NSMAF: variants seen among roughly 807,000 people sequenced by gnomAD.
NSMAF encodes neutral sphingomyelinase activation associated factor.
Under a neutral mutation model 134.9 loss-of-function variants are expected in NSMAF, and 90 were observed. The observed-to-expected ratio is 0.67, with a 90% CI of 0.56 to 0.79. The LOEUF is 0.79. Among genes scored for constraint, NSMAF ranks in the 30% least tolerant of loss-of-function variants. The probability of loss-of-function intolerance (pLI) is 0.00; values close to 1 mark genes in which losing one functional copy is unlikely to be tolerated. For missense variants in NSMAF, 1,010 were observed against 1,119.0 expected, an observed-to-expected ratio of 0.90 and a Z score of 1.39; for synonymous variants, 358 against 389.6, an observed-to-expected ratio of 0.92 and a Z score of 0.96.
At position 58,602,140 on chromosome 8, in the gene NSMAF, A is replaced by G; in HGVS notation, c.1046-3T>C. On this transcript the variant is annotated splice_region_variant and splice_polypyrimidine_tract_variant and intron_variant, in intron 13 of 30. Coordinates refer to ENST00000038176, the MANE Select transcript of NSMAF (RefSeq NM_003580.4). ...GAAGGTTCCTGGATTTGACAAATCT[A>G]TAAACATAAATCAATAAATAACTTC... 1 of 1,608,754 alleles carries G rather than the reference A, an allele frequency of 6.2e-7. No individual in the cohort carries two copies. Among genetic ancestry groups the G allele is most frequent in the Non-Finnish European group, 8.5e-7 (1 of 1,175,376 alleles).
chr8:58,621,359 G>A (rs1806784781), intron 9 of NSMAF, among the ~76,000 whole-genome samples: 1 of 152,260 alleles, frequency 6.6e-6, no homozygotes, highest in Middle Eastern at 3.4e-3. Flanking sequence ...CCACTGATGG[G>A]TATTTAGGTT....
chr8:58,622,347 C>T (rs1477358849), intron 9 of NSMAF, among the ~76,000 whole-genome samples: 2 of 152,094 alleles, frequency 1.3e-5, no homozygotes, highest in Non-Finnish European at 2.9e-5. Flanking sequence ...GATCCTCCCA[C>T]CTTGCCTCTC....
intron 23 of NSMAF, among the ~76,000 whole-genome samples, chr8:58,591,940 TTAA>T (rs144205198): frequency 6.6e-6 from 1 of 152,322 alleles, no homozygotes; most frequent in East Asian, 1.9e-4. Flanking sequence ...ACAGTATAAC[TTAA>T]TAATTCAACC....
chr8:58,590,913 G>C lies in NSMAF; in HGVS notation c.1973C>G (p.Ser658Cys). The C allele has an allele frequency of 6.4e-7, 1 of 1,569,994 alleles. No individual in the cohort carries two copies. Among genetic ancestry groups the C allele is most frequent in the South Asian group, 1.1e-5 (1 of 90,052 alleles). ...TSQDSTLKMF[S>C]KESKMLQRSI... is the part of the protein sequence containing the mutation. ...TCTTTGTAGCATTTTTGATTCTTTA[G>C]AAAACATCTTCAAGGTGGAATCTAA... is the stretch of plus-strand genomic sequence containing the variant. Residue 658 changes from serine to cysteine, a missense_variant, in exon 24 of 31, where the codon TCT (serine) becomes TGT (cysteine). By Grantham distance (112) the Ser-to-Cys change is moderately radical. Transcript: ENST00000038176.
In NSMAF at chr8:58,584,071, G is replaced by C; in HGVS notation, c.*35C>G. On this transcript the variant is annotated 3_prime_UTR_variant, in exon 31 of 31. Transcript: ENST00000038176. ...GTTTGGTTTAAAAATGCATTAAATA[G>C]AGTTCAATTTAATATTCAGGAGAGG... 1 of 1,469,870 alleles carries C rather than the reference G, an allele frequency of 6.8e-7. No homozygotes were observed. The highest frequency in any genetic ancestry group is 9.5e-7 in the Non-Finnish European group (1 of 1,048,894). The allele number at this position is 1,469,870 out of a possible 1,614,324, so 91.1% of individuals were successfully genotyped here.
At chr8:58,656,895 AC>A (rs1807727175) in intron 1 of NSMAF, among the ~76,000 whole-genome samples, 1 of 152,248 alleles carries the variant, frequency 6.6e-6, no homozygotes, top group African/African-American at 2.4e-5. Context: ...TATTGCATTT[AC>A]TTATACTAAA....
intron 1 of NSMAF, chr8:58,659,198 C>A: frequency 1.4e-6 from 2 of 1,450,364 alleles, no homozygotes; most frequent in Non-Finnish European, 1.8e-6. Context: ...TACTCACCCT[C>A]CCCTGCGAAC....
intron 28 of NSMAF, 64 bp downstream of exon 28, chr8:58,586,394 A>G: frequency 2.8e-6 from 4 of 1,411,754 alleles, no homozygotes; most frequent in Non-Finnish European, 3.9e-6. Context: ...AAAATTAACA[A>G]TATTGTTTAT....
At chr8:58,633,084 C>T (rs1340172969) in intron 5 of NSMAF, among the ~76,000 whole-genome samples, 1 of 152,216 alleles carries the variant, frequency 6.6e-6, no homozygotes, top group African/African-American at 2.4e-5. Context: ...ACCCAGCCCC[C>T]AGAGAGACTT....
chr8:58,586,444 A>G lies in NSMAF; in HGVS notation c.2446+14T>C, dbSNP rs766626270. 5.0e-6 allele frequency: 8 copies of G among 1,608,012 alleles called. No homozygotes were observed. Among genetic ancestry groups the G allele is most frequent in the Non-Finnish European group, 6.8e-6 (8 of 1,175,430 alleles). On this transcript the variant is annotated intron_variant, in intron 28 of 30. Coordinates refer to ENST00000038176, the MANE Select transcript of NSMAF (RefSeq NM_003580.4). The stretch of plus-strand genomic sequence containing the variant: ...TTACCTAGTATTATCTGTTTTAAAA[A>G]GGATAATATCTACCTGGGCTAAAAG...
At chr8:58,654,386 A>G (rs558844980) in intron 1 of NSMAF, among the ~76,000 whole-genome samples, 1 of 152,324 alleles carries the variant, frequency 6.6e-6, no homozygotes, top group East Asian at 1.9e-4. Context: ...CCCCATCTCT[A>G]CTAAAAACAC....
intron 9 of NSMAF, among the ~76,000 whole-genome samples, chr8:58,615,140 A>C (rs1423939161): frequency 6.6e-6 from 1 of 152,190 alleles, no homozygotes; most frequent in Non-Finnish European, 1.5e-5. Context: ...ATTAATTAAG[A>C]AGACATTACG....
intron 6 of NSMAF, 123 bp from the exon 7 acceptor site, chr8:58,623,903 T>TC: frequency 1.4e-6 from 1 of 698,926 alleles, no homozygotes; most frequent in Non-Finnish European, 2.5e-6. Flanking sequence ...TAGTGTAACT[T>TC]CCCCACTGGA....
chr8:58,584,109 A>G lies in NSMAF; in HGVS notation c.2751T>C (p.Tyr917=). The change falls in exon 31 of 31, where the codon TAT becomes TAC. Residue 917 remains tyrosine (Y), a synonymous_variant. Coordinates refer to ENST00000038176, the MANE Select transcript of NSMAF (RefSeq NM_003580.4). The part of the protein sequence containing the change: ...DRQIIFWKLQ[Y] ...TATTCAGGAGAGGAAAAGGCACTTA[A>G]TACTGCAATTTCCAGAATATAATTT... is the stretch of plus-strand genomic sequence containing the variant. The G allele has an allele frequency of 9.3e-6, 15 of 1,609,630 alleles. No individual in the cohort carries two copies. Among genetic ancestry groups the G allele is most frequent in the Non-Finnish European group, 1.3e-5 (15 of 1,175,942 alleles).
At chr8:58,620,072 T>C (rs949876923) in intron 9 of NSMAF, among the ~76,000 whole-genome samples, 25 of 152,278 alleles carry the variant, frequency 1.6e-4, no homozygotes, top group African/African-American at 6.0e-4. Flanking sequence ...AATGGGATAA[T>C]ACAGAAATGT....
intron 6 of NSMAF, among the ~76,000 whole-genome samples, chr8:58,628,049 T>C (rs890149793): frequency 6.6e-6 from 1 of 152,154 alleles, no homozygotes; most frequent in Admixed American, 6.5e-5. Flanking sequence ...CATAGACCAA[T>C]GGAACAGAAC....
chr8:58,599,179 T>C (rs1270635291), intron 19 of NSMAF, 53 bp downstream of exon 19: 2 of 1,526,732 alleles, frequency 1.3e-6, no homozygotes, highest in Non-Finnish European at 1.8e-6. Flanking sequence ...TGAAAATGAA[T>C]AATGCTAAAT....
At chr8:58,598,711 C>T (rs554687597) in intron 19 of NSMAF, among the ~76,000 whole-genome samples, 18 of 152,098 alleles carry the variant, frequency 1.2e-4, no homozygotes, top group African/African-American at 4.3e-4. Flanking sequence ...AGTCCTCCCT[C>T]CTTGTCAGTT....
intron 6 of NSMAF, among the ~76,000 whole-genome samples, chr8:58,625,498 T>C (rs1806909256): frequency 6.6e-6 from 1 of 152,234 alleles, no homozygotes; most frequent in Non-Finnish European, 1.5e-5. Context: ...TTTGTAATTA[T>C]TTATCTTTCT....
Sources: allele counts gnomAD v4.1 joint callset (sites outside exome capture counted in the v4.1 genomes callset), GRCh38; gene constraint gnomAD v4.1.1; transcripts MANE v1.5; gene names NCBI Gene and HGNC (gene_info 2026-07-23, HGNC 2026-07-21).